MMS22L: variants seen among roughly 807,000 people sequenced by gnomAD.
MMS22L encodes protein MMS22-like.
MMS22L carries 74 observed loss-of-function variants against 159.1 expected under a neutral mutation model. That is an observed-to-expected ratio of 0.47 (90% CI 0.39 to 0.56). The LOEUF is 0.56. Among genes scored for constraint, MMS22L ranks in the 20% least tolerant of loss-of-function variants. MMS22L has a pLI of 0.00. For synonymous variants in MMS22L, 517 were observed against 506.9 expected, an observed-to-expected ratio of 1.02 and a Z score of -0.27; for missense variants, 1,351 against 1,422.1, an observed-to-expected ratio of 0.95 and a Z score of 0.80.
chr6:97,147,978 G>A (rs1286494175), intron 24 of MMS22L, among the ~76,000 whole-genome samples: 1 of 152,134 alleles, frequency 6.6e-6, no homozygotes, highest in Non-Finnish European at 1.5e-5. Context: ...GTGTGTATTT[G>A]TACAGATAAA....
intron 19 of MMS22L, among the ~76,000 whole-genome samples, chr6:97,172,034 A>C (rs983737251): frequency 6.6e-6 from 1 of 152,190 alleles, no homozygotes; most frequent in African/African-American, 2.4e-5. Flanking sequence ...GAAAGTCTTC[A>C]ATTTTTCCTA....
intron 14 of MMS22L, among the ~76,000 whole-genome samples, chr6:97,215,506 G>A (rs548930891): frequency 1.3e-5 from 2 of 152,188 alleles, no homozygotes; most frequent in East Asian, 1.9e-4. Context: ...TTTGCACACC[G>A]GGGTTACTCC....
At chr6:97,209,517 C>T (rs1277553808) in intron 14 of MMS22L, among the ~76,000 whole-genome samples, 1 of 151,830 alleles carries the variant, frequency 6.6e-6, no homozygotes, top group Non-Finnish European at 1.5e-5. Flanking sequence ...ACAATTACAA[C>T]CAATTTATTA....
intron 3 of MMS22L, among the ~76,000 whole-genome samples, chr6:97,280,468 G>A (rs1816661929): frequency 6.6e-6 from 1 of 151,998 alleles, no homozygotes; most frequent in Admixed American, 6.6e-5. Context: ...GAGTAGCTGG[G>A]ATTACAGACG....
intron 6 of MMS22L, chr6:97,272,492 G>A (rs1815847549): frequency 6.4e-6 from 3 of 468,848 alleles, no homozygotes; most frequent in Admixed American, 7.6e-5. Context: ...CAATGATTCT[G>A]GTAAGTTGTA....
chr6:97,176,385 C>A (rs1804117023), intron 18 of MMS22L, among the ~76,000 whole-genome samples: 1 of 151,914 alleles, frequency 6.6e-6, no homozygotes, highest in Non-Finnish European at 1.5e-5. Context: ...TTCTCGGTAC[C>A]TTGATAATAA....
At chr6:97,148,030 A>G (rs1800994998) in intron 24 of MMS22L, among the ~76,000 whole-genome samples, 1 of 152,174 alleles carries the variant, frequency 6.6e-6, no homozygotes, top group Non-Finnish European at 1.5e-5. Context: ...ACTACATTAA[A>G]AACATTTTGG....
At chr6:97,153,071 G>A (rs1801481923) in intron 22 of MMS22L, among the ~76,000 whole-genome samples, 2 of 151,952 alleles carry the variant, frequency 1.3e-5, no homozygotes, top group South Asian at 4.2e-4. Context: ...CGAACTCCTA[G>A]TCTCAAGTGA....
chr6:97,182,583 A>G (rs1251799380), intron 15 of MMS22L, among the ~76,000 whole-genome samples: 1 of 152,178 alleles, frequency 6.6e-6, no homozygotes, highest in Non-Finnish European at 1.5e-5. Context: ...TGCTAAACAA[A>G]TATGTTTTAT....
chr6:97,270,201 G>A (rs1562526593), intron 6 of MMS22L: 10 of 627,278 alleles, frequency 1.6e-5, no homozygotes, highest in Non-Finnish European at 2.9e-5. Context: ...TCATCTGTTG[G>A]TTTAAGACAA....
At chr6:97,185,818 A>C (rs1053530459) in intron 15 of MMS22L, among the ~76,000 whole-genome samples, 1 of 152,182 alleles carries the variant, frequency 6.6e-6, no homozygotes, top group Admixed American at 6.6e-5. Flanking sequence ...ATTCAAGTAC[A>C]TGGAGTTACC....
chr6:97,174,353 A>G (rs1046141917), intron 18 of MMS22L, among the ~76,000 whole-genome samples: 1 of 152,156 alleles, frequency 6.6e-6, no homozygotes, highest in African/African-American at 2.4e-5. Flanking sequence ...AATGACCCAA[A>G]TTGGACCATG....
chr6:97,193,860 A>C (rs1806163931), intron 14 of MMS22L, among the ~76,000 whole-genome samples: 1 of 152,134 alleles, frequency 6.6e-6, no homozygotes, highest in South Asian at 2.1e-4. Flanking sequence ...TCCTGGGTTC[A>C]CACCATTCTC....
rs529166135 is a variant in MMS22L, at chr6:97,178,913, C to T, written c.2537-328G>A. On this transcript the variant is annotated intron_variant, in intron 17 of 24. Coordinates refer to ENST00000683635, the MANE Select transcript of MMS22L (RefSeq NM_001350599.2). Reference sequence around the variant, plus strand: ...TAGCTTTGGGAAAAGACATGTCCTACAGACAACAGAACTGCATGGGACATT... The same window carrying T: ...TAGCTTTGGGAAAAGACATGTCCTATAGACAACAGAACTGCATGGGACATT... Among the ~76,000 whole-genome samples the T allele has an allele frequency of 5.8e-4, 88 of 152,172 alleles. No homozygotes were observed. In the South Asian group the frequency reaches 0.015, roughly 25 times the overall value.
intron 13 of MMS22L, 26 bp downstream of exon 13, chr6:97,231,400 C>T (rs371652868): frequency 1.4e-5 from 21 of 1,519,806 alleles, no homozygotes; most frequent in Non-Finnish European, 1.9e-5. Flanking sequence ...TCAGTGCACA[C>T]TCATGACAGA....
At chr6:97,172,074 A>G (rs760651008) in intron 19 of MMS22L, among the ~76,000 whole-genome samples, 10 of 152,196 alleles carry the variant, frequency 6.6e-5, no homozygotes, top group Non-Finnish European at 1.2e-4. Flanking sequence ...TCTATATCAG[A>G]CATTTATCTT....
At chr6:97,267,342 G>GT (rs1277458721) in intron 8 of MMS22L, 1 of 151,932 alleles carries the variant, frequency 6.6e-6, no homozygotes, top group Non-Finnish European at 1.5e-5. Flanking sequence ...AAATAAACAT[G>GT]TTCTGTAGCA....
Position 97,146,854 on chromosome 6 carries a change from TC to T in MMS22L, c.3683del (p.Gly1228AspfsTer31). 6.4e-7 allele frequency: 1 copy of T among 1,566,194 alleles called. No individual in the cohort carries two copies. The highest frequency in any genetic ancestry group is 2.4e-5 in the East Asian group (1 of 42,156). On this transcript the variant is annotated frameshift_variant, in exon 25 of 25. Transcript: ENST00000683635. LOFTEE classifies it high-confidence loss of function. ...EAYSKLLSHL[G>X]QMGQDEMQRL... is the part of the protein sequence containing the mutation. Reference sequence around the variant, plus strand: ...TCTGCATCTCATCTTGTCCCATCTGTCCAAGGTGAGACAAAAGTTTGCTATA... The same window carrying T: ...TCTGCATCTCATCTTGTCCCATCTGTCAAGGTGAGACAAAAGTTTGCTATA...
chr6:97,251,367 A>G (rs1240990032), intron 10 of MMS22L, among the ~76,000 whole-genome samples: 2 of 152,194 alleles, frequency 1.3e-5, no homozygotes, highest in Non-Finnish European at 2.9e-5. Context: ...TATTTCACTG[A>G]GATAATACAC....
Sources: allele counts gnomAD v4.1 joint callset (sites outside exome capture counted in the v4.1 genomes callset), GRCh38; gene constraint gnomAD v4.1.1; transcripts MANE v1.5; gene names NCBI Gene and HGNC (gene_info 2026-07-23, HGNC 2026-07-21).